MLIP: variants seen among roughly 807,000 people sequenced by gnomAD.
MLIP encodes the protein muscular LMNA-interacting protein.
Under a neutral mutation model 84.8 loss-of-function variants are expected in MLIP, and 79 were observed. That is an observed-to-expected ratio of 0.93 (90% CI 0.78 to 1.12). The LOEUF is 1.12. Among genes scored for constraint, MLIP ranks in the 50% most tolerant of loss-of-function variants. The pLI, the probability that MLIP is intolerant of heterozygous loss-of-function variation, is 0.00. For synonymous variants in MLIP, 504 were observed against 463.0 expected (o/e 1.09, Z -1.14); for missense variants, 1,257 against 1,160.6 (o/e 1.08, Z -1.21).
intron 1 of MLIP, among the ~76,000 whole-genome samples, chr6:54,112,393 TTCCTTGTGAATGAGTATTAGA>T (rs150341197): frequency 0.034 from 5,127 of 152,312 alleles, 160 homozygotes; most frequent in South Asian, 0.12. Flanking sequence ...CCAACTGAAA[TTCCTTGTGAATGAGTATTAGA>T]TCCTTGGTAA....
At chr6:54,129,860 T>A (rs931446693) in intron 3 of MLIP, among the ~76,000 whole-genome samples, 1 of 152,122 alleles carries the variant, frequency 6.6e-6, no homozygotes, top group African/African-American at 2.4e-5. Context: ...TAATTCAGAT[T>A]CTACATGGGC....
intron 10 of MLIP, among the ~76,000 whole-genome samples, chr6:54,194,646 A>G (rs140037470): frequency 3.3e-4 from 50 of 152,190 alleles, no homozygotes; most frequent in Middle Eastern, 3.4e-3. Context: ...CAAAGTATAT[A>G]TTCTGTTTTA....
intron 11 of MLIP, among the ~76,000 whole-genome samples, chr6:54,221,740 G>T (rs748671669): frequency 2.2e-4 from 33 of 151,812 alleles, no homozygotes; most frequent in Non-Finnish European, 4.3e-4. Context: ...GGCAAAAGTA[G>T]ATCATCTCGA....
intron 1 of MLIP, chr6:54,030,647 G>GT (rs1432679813): frequency 6.6e-6 from 1 of 151,202 alleles, no homozygotes; most frequent in Non-Finnish European, 1.5e-5. Flanking sequence ...TTCCTTGCAC[G>GT]TAAGATATTT....
chr6:54,135,404 C>T (rs1336917671), intron 3 of MLIP, among the ~76,000 whole-genome samples: 1 of 152,012 alleles, frequency 6.6e-6, no homozygotes, highest in Non-Finnish European at 1.5e-5. Context: ...GGTATGTTTA[C>T]TTAGAAACTT....
At chr6:54,055,147 A>G (rs1765588453) in intron 1 of MLIP, among the ~76,000 whole-genome samples, 2 of 151,924 alleles carry the variant, frequency 1.3e-5, no homozygotes, top group African/African-American at 4.8e-5. Context: ...CGGCCTCCCA[A>G]AGTGTTGGGA....
At chr6:54,077,255 G>C (rs1417607531) in intron 1 of MLIP, among the ~76,000 whole-genome samples, 1 of 151,998 alleles carries the variant, frequency 6.6e-6, no homozygotes, top group Non-Finnish European at 1.5e-5. Flanking sequence ...CAAATCTTTT[G>C]TGTAAAGGGT....
At chr6:54,040,794 C>G (rs905967932) in intron 1 of MLIP, among the ~76,000 whole-genome samples, 2 of 151,976 alleles carry the variant, frequency 1.3e-5, no homozygotes, top group Non-Finnish European at 2.9e-5. Flanking sequence ...GGCCATTATC[C>G]TAATAGAATT....
intron 1 of MLIP, among the ~76,000 whole-genome samples, chr6:54,030,927 G>A (rs1236565986): frequency 6.6e-6 from 1 of 152,134 alleles, no homozygotes; most frequent in Non-Finnish European, 1.5e-5. Flanking sequence ...GACACAGTAG[G>A]GGAATTAGTT....
chr6:54,046,172 A>G (rs1469827483), intron 1 of MLIP: 1 of 152,058 alleles, frequency 6.6e-6, no homozygotes, highest in Admixed American at 6.5e-5. Flanking sequence ...TTCCCCCAAG[A>G]GTCCATTAAA....
At chr6:54,068,080 CTTCCTTCTT>C (rs1766302930) in intron 1 of MLIP, among the ~76,000 whole-genome samples, 1 of 74,816 alleles carries the variant, frequency 1.3e-5, no homozygotes, top group Non-Finnish European at 4.1e-5. Context: ...TCCTTCCTTC[CTTCCTTCTT>C]TTTCTCTCTC....
At chr6:54,131,769 C>T (rs537193888) in intron 3 of MLIP, among the ~76,000 whole-genome samples, 33 of 152,310 alleles carry the variant, frequency 2.2e-4, no homozygotes, top group African/African-American at 7.7e-4. Flanking sequence ...TGTTGCTTAA[C>T]AAACCATGCC....
chr6:54,029,992 C>T (rs1359563), intron 1 of MLIP, among the ~76,000 whole-genome samples: 57,000 of 151,796 alleles, frequency 0.38, 11,654 homozygotes, highest in Non-Finnish European at 0.48. Flanking sequence ...GTATGGTAGC[C>T]ATTAGAGAAA....
chr6:54,189,916 T>C lies in MLIP; in HGVS notation c.2589+2T>C. Reference sequence around the variant, plus strand: ...TCTACAGTATCTGAGAGTCAGCTGGTATGTATCTTCTAAGTCACAGATCTA... The same window carrying C: ...TCTACAGTATCTGAGAGTCAGCTGGCATGTATCTTCTAAGTCACAGATCTA... On this transcript the variant is annotated splice_donor_variant, in intron 10 of 13. Coordinates refer to ENST00000502396, the MANE Select transcript of MLIP (RefSeq NM_001281747.2). LOFTEE classifies it high-confidence loss of function. The C allele has an allele frequency of 6.3e-7, 1 of 1,598,358 alleles. No homozygotes were observed. The highest frequency in any genetic ancestry group is 8.6e-7 in the Non-Finnish European group (1 of 1,166,544).
chr6:54,150,860 A>C (rs1466547583), intron 5 of MLIP, among the ~76,000 whole-genome samples: 3 of 152,112 alleles, frequency 2.0e-5, no homozygotes, highest in South Asian at 2.1e-4. Flanking sequence ...TTTAATTTCC[A>C]ATTTTATTAC....
At chr6:54,258,107 A>T (rs1783134896) in intron 13 of MLIP, among the ~76,000 whole-genome samples, 1 of 152,074 alleles carries the variant, frequency 6.6e-6, no homozygotes, top group African/African-American at 2.4e-5. Flanking sequence ...AAAAAAAGTG[A>T]TTTTAAAAAA....
At chr6:54,151,162 ATT>A (rs534750162) in intron 5 of MLIP, among the ~76,000 whole-genome samples, 2 of 151,490 alleles carry the variant, frequency 1.3e-5, no homozygotes, top group African/African-American at 2.4e-5. Context: ...TGTTAAGTGA[ATT>A]TTTTTTTCTT....
rs1441815804 is a variant in MLIP, at chr6:54,252,004, CATAAT to C, written c.2923-5300_2923-5296del. The stretch of plus-strand genomic sequence containing the variant: ...TATAATATAAATATATATATTATAA[CATAAT>C]ATATAATATAAATATATATATTATA... On this transcript the variant is annotated intron_variant, in intron 12 of 13. Coordinates refer to ENST00000502396, the MANE Select transcript of MLIP (RefSeq NM_001281747.2). 2.9e-3 allele frequency among the ~76,000 whole-genome samples: 140 copies of C among 48,280 alleles called. 5 individuals carry two copies. The South Asian group carries it at 0.042, about 15-fold the overall frequency. The allele number at this position is 48,280 out of a possible 152,430, so 31.7% of individuals were successfully genotyped here. A position where few individuals can be genotyped will look rare whatever the true frequency, so the allele number is the denominator to read the frequency against.
At chr6:54,190,066 C>T in intron 10 of MLIP, 152 bp downstream of exon 10, 1 of 608,868 alleles carries the variant, frequency 1.6e-6, no homozygotes. Flanking sequence ...TCCAAAAGCT[C>T]CATGGTGGTT....
Sources: allele counts gnomAD v4.1 joint callset (sites outside exome capture counted in the v4.1 genomes callset), GRCh38; gene constraint gnomAD v4.1.1; transcripts MANE v1.5; gene names NCBI Gene and HGNC (gene_info 2026-07-23, HGNC 2026-07-21).